Variants in FCHSD2 observed in about 807,000 individuals in gnomAD.
FCHSD2 encodes the protein FCH and double SH3 domains 2.
FCHSD2 carries 38 observed loss-of-function variants against 108.1 expected under a neutral mutation model. The ratio of observed to expected loss-of-function variants is 0.35; its 90% confidence interval spans 0.27 to 0.46. FCHSD2 has a LOEUF of 0.46. Ranked by LOEUF, FCHSD2 falls within the 20% of genes least tolerant of loss-of-function variation. FCHSD2 has a pLI of 1.00. For synonymous variants in FCHSD2, 279 were observed against 314.7 expected (o/e 0.89, Z 1.20); for missense variants, 751 against 897.8 (o/e 0.84, Z 2.09).
At chr11:72,986,431 A>T (rs1470930317) in intron 6 of FCHSD2, among the ~76,000 whole-genome samples, 1 of 152,068 alleles carries the variant, frequency 6.6e-6, no homozygotes, top group Non-Finnish European at 1.5e-5. Flanking sequence ...GGATGGTCTC[A>T]ATCTCCTGAC....
intron 12 of FCHSD2, among the ~76,000 whole-genome samples, chr11:72,873,374 AT>A (rs773300145): frequency 4.5e-4 from 69 of 151,802 alleles, no homozygotes; most frequent in Non-Finnish European, 8.4e-4. Flanking sequence ...TTTATGGGTC[AT>A]TCATACATCT....
chr11:73,067,668 T>C (rs575914492), intron 3 of FCHSD2, among the ~76,000 whole-genome samples: 1 of 151,698 alleles, frequency 6.6e-6, no homozygotes, highest in East Asian at 1.9e-4. Flanking sequence ...TGCAAAATCA[T>C]CAGACAGAGA....
intron 8 of FCHSD2, among the ~76,000 whole-genome samples, chr11:72,959,465 G>C (rs1201255911): frequency 2.6e-5 from 1 of 38,732 alleles, no homozygotes; most frequent in East Asian, 1.1e-3. Flanking sequence ...TTGATCTCCT[G>C]ACCTCATGAT....
intron 2 of FCHSD2, among the ~76,000 whole-genome samples, chr11:73,100,638 C>T (rs926672555): frequency 3.3e-5 from 5 of 152,108 alleles, no homozygotes; most frequent in African/African-American, 1.2e-4. Context: ...GGTGGGATTA[C>T]AGGTGTGAGC....
intron 3 of FCHSD2, among the ~76,000 whole-genome samples, chr11:73,052,660 T>A (rs529758452): frequency 1.4e-3 from 209 of 152,278 alleles, no homozygotes; most frequent in African/African-American, 4.8e-3. Flanking sequence ...GGTCCTAATG[T>A]TTTAAAGGTG....
intron 2 of FCHSD2, among the ~76,000 whole-genome samples, chr11:73,107,186 C>A (rs1490926312): frequency 2.0e-5 from 3 of 152,076 alleles, no homozygotes; most frequent in African/African-American, 7.2e-5. Flanking sequence ...TTCTGAGTAG[C>A]TGGGATTACA....
chr11:73,093,033 G>C (rs1859992711), intron 2 of FCHSD2, among the ~76,000 whole-genome samples: 1 of 152,192 alleles, frequency 6.6e-6, no homozygotes, highest in Non-Finnish European at 1.5e-5. Flanking sequence ...CCTCTGGAGA[G>C]GCTGGAGGCT....
intron 5 of FCHSD2, among the ~76,000 whole-genome samples, chr11:72,991,986 T>C (rs1171047349): frequency 1.3e-5 from 2 of 152,188 alleles, no homozygotes; most frequent in African/African-American, 2.4e-5. Context: ...TGTTTGTAGA[T>C]GACATGATTG....
intron 2 of FCHSD2, among the ~76,000 whole-genome samples, chr11:73,087,548 T>C (rs1859849927): frequency 6.6e-6 from 1 of 151,694 alleles, no homozygotes; most frequent in Non-Finnish European, 1.5e-5. Flanking sequence ...CTACTAAACA[T>C]ACAAAAATTA....
At chr11:72,849,502 T>C (rs193124741) in intron 14 of FCHSD2, among the ~76,000 whole-genome samples, 1 of 152,352 alleles carries the variant, frequency 6.6e-6, no homozygotes, top group East Asian at 1.9e-4. Context: ...AGGAACTATT[T>C]GAGCTGAGCT....
intron 13 of FCHSD2, among the ~76,000 whole-genome samples, chr11:72,864,542 T>A (rs1854681404): frequency 6.6e-6 from 1 of 152,068 alleles, no homozygotes; most frequent in Non-Finnish European, 1.5e-5. Context: ...GGAGACCATC[T>A]CCAAACAAAC....
At chr11:73,126,597 C>G (rs575534322) in intron 2 of FCHSD2, among the ~76,000 whole-genome samples, 1 of 151,942 alleles carries the variant, frequency 6.6e-6, no homozygotes, top group Non-Finnish European at 1.5e-5. Context: ...TCAACTAATA[C>G]GAACTTTTAT....
chr11:72,934,505 AT>A (rs1360164572), intron 8 of FCHSD2, among the ~76,000 whole-genome samples: 1 of 151,790 alleles, frequency 6.6e-6, no homozygotes, highest in Non-Finnish European at 1.5e-5. Flanking sequence ...TAATTTTTGT[AT>A]TTATTAAAGT....
chr11:73,030,191 T>A (rs1277900722), intron 3 of FCHSD2, among the ~76,000 whole-genome samples: 4 of 152,182 alleles, frequency 2.6e-5, no homozygotes. Flanking sequence ...GCTTAGTTCC[T>A]ATGTATATGT....
chr11:72,949,655 A>C (rs1856586448), intron 8 of FCHSD2, among the ~76,000 whole-genome samples: 1 of 152,296 alleles, frequency 6.6e-6, no homozygotes, highest in Admixed American at 6.5e-5. Flanking sequence ...GGCTTCTTTC[A>C]CTTAACACAA....
intron 9 of FCHSD2, among the ~76,000 whole-genome samples, chr11:72,912,670 A>AT (rs1855787496): frequency 6.6e-6 from 1 of 152,006 alleles, no homozygotes; most frequent in African/African-American, 2.4e-5. Context: ...CCCCTCCTCT[A>AT]TTTTTTGGAA....
At chr11:72,992,872 G>C (rs928861198) in intron 5 of FCHSD2, among the ~76,000 whole-genome samples, 41 of 150,850 alleles carry the variant, frequency 2.7e-4, no homozygotes, top group East Asian at 5.8e-4. Flanking sequence ...TCTAAAACAC[G>C]AAAAGCAATG....
At chr11:73,128,978 T>C (rs548203922) in intron 2 of FCHSD2, among the ~76,000 whole-genome samples, 443 of 152,302 alleles carry the variant, frequency 2.9e-3, no homozygotes, top group Non-Finnish European at 3.9e-3. Context: ...TTCAAGCGAT[T>C]CTCCTGCCTT....
chr11:72,966,796 A>C (rs953840131), intron 8 of FCHSD2, among the ~76,000 whole-genome samples: 5 of 152,230 alleles, frequency 3.3e-5, no homozygotes, highest in Non-Finnish European at 4.4e-5. Context: ...ATTATTTTGA[A>C]GGAAAAAAAC....
Sources: gnomAD v4.1 joint callset for allele counts (sites outside exome capture counted in the v4.1 genomes callset) on GRCh38, gnomAD v4.1.1 for gene constraint, MANE v1.5 for transcripts, NCBI Gene and HGNC (gene_info 2026-07-23, HGNC 2026-07-21) for gene names.